ZMYM5: variants seen among roughly 807,000 people sequenced by gnomAD.
ZMYM5 encodes the protein zinc finger MYM-type protein 5.
A neutral mutation model predicts 61.8 loss-of-function variants in ZMYM5; 41 were observed. The ratio of observed to expected loss-of-function variants is 0.66; its 90% CI spans 0.52 to 0.86. ZMYM5 has a LOEUF of 0.86. Ranked by LOEUF, ZMYM5 falls within the 40% of genes least tolerant of loss-of-function variation. The probability of loss-of-function intolerance (pLI) is 0.00; values close to 1 mark genes in which losing one functional copy is unlikely to be tolerated. For missense variants in ZMYM5, 706 were observed against 786.7 expected, an observed-to-expected ratio of 0.90 and a Z score of 1.23; for synonymous variants, 257 against 276.4, an observed-to-expected ratio of 0.93 and a Z score of 0.70.
intron 2 of ZMYM5, among the ~76,000 whole-genome samples, chr13:19,854,613 ATAAGACT>A: frequency 7.3e-6 from 1 of 136,730 alleles, no homozygotes; most frequent in East Asian, 2.2e-4. Flanking sequence ...GGGCAACACA[ATAAGACT>A]TCGTCTCAAA....
At chr13:19,830,525 C>A (rs1014815954) in intron 7 of ZMYM5, among the ~76,000 whole-genome samples, 1 of 152,172 alleles carries the variant, frequency 6.6e-6, no homozygotes, top group East Asian at 1.9e-4. Flanking sequence ...CTGGTATGAA[C>A]CACCATGCCT....
chr13:19,852,942 G>C (rs1449186548), intron 2 of ZMYM5, among the ~76,000 whole-genome samples: 1 of 152,122 alleles, frequency 6.6e-6, no homozygotes, highest in East Asian at 1.9e-4. Flanking sequence ...TAAATGCCTG[G>C]GTTCAAGCAA....
chr13:19,838,469 G>A (rs1043366947), intron 5 of ZMYM5, among the ~76,000 whole-genome samples: 1 of 152,136 alleles, frequency 6.6e-6, no homozygotes, highest in Non-Finnish European at 1.5e-5. Context: ...GTAGTAGCAG[G>A]GAGAGGGGCA....
At chr13:19,860,883 G>A (rs2138671978) in intron 2 of ZMYM5, among the ~76,000 whole-genome samples, 1 of 149,170 alleles carries the variant, frequency 6.7e-6, no homozygotes, top group South Asian at 2.1e-4. Context: ...TATATCTCAG[G>A]TGGGGGGGGG....
In ZMYM5 at chr13:19,831,016, T is replaced by C. The variant is rs181052889; in HGVS notation, c.1251+4461A>G. Among the ~76,000 whole-genome samples the C allele has an allele frequency of 2.6e-4, 40 of 151,962 alleles. 1 individual carries two copies. Among genetic ancestry groups the C allele is most frequent in the African/African-American group, 9.4e-4 (39 of 41,466 alleles). ...CACCACGCCCGGCTAATTTTTTGTA[T>C]GTTTAGTAGAGACAGGGTTTCACCG... On this transcript the variant is annotated intron_variant, in intron 7 of 7. Transcript: ENST00000337963.
At chr13:19,859,981 A>G (rs7490640) in intron 2 of ZMYM5, among the ~76,000 whole-genome samples, 134,251 of 147,518 alleles carry the variant, frequency 0.91, 62,449 homozygotes, top group Non-Finnish European at 1. Flanking sequence ...GCATGTACCT[A>G]TAGTCTCAGC....
At chr13:19,835,826 A>ATT (rs753164390) in intron 6 of ZMYM5, 137 bp from the exon 7 acceptor site, 748 of 454,780 alleles carry the variant, frequency 1.6e-3, no homozygotes, top group Middle Eastern at 7.1e-3. Flanking sequence ...CAGGGAAAAG[A>ATT]TTTTTTTTTT....
Position 19,825,292 on chromosome 13 carries a change from A to G in ZMYM5, c.1252-57T>C, listed in dbSNP as rs1890857528. On this transcript the variant is annotated intron_variant, in intron 7 of 7. Transcript: ENST00000337963. ...AGGTTAAACTTTTAAAAATTAATGT[A>G]TATTCAAATGCTCAATAAGCACATG... 6.0e-6 allele frequency: 7 copies of G among 1,171,218 alleles called. No individual in the cohort carries two copies. In the South Asian group the frequency reaches 6.5e-5, roughly 11 times the overall value. The allele number at this position is 1,171,218 out of a possible 1,614,324, so 72.6% of individuals were successfully genotyped here.
At chr13:19,841,344 T>A (rs1290263745) in intron 4 of ZMYM5, among the ~76,000 whole-genome samples, 1 of 152,174 alleles carries the variant, frequency 6.6e-6, no homozygotes, top group Non-Finnish European at 1.5e-5. Flanking sequence ...AGGGGGTTTT[T>A]ATCAGTACTC....
At chr13:19,842,500 T>C (rs1046031685) in intron 4 of ZMYM5, among the ~76,000 whole-genome samples, 5 of 152,130 alleles carry the variant, frequency 3.3e-5, no homozygotes, top group Admixed American at 2.6e-4. Flanking sequence ...CCTAATTTGT[T>C]GTACTAATGC....
intron 4 of ZMYM5, among the ~76,000 whole-genome samples, 200 bp from the exon 5 acceptor site, chr13:19,839,185 CAAT>C (rs1286296870): frequency 6.6e-6 from 1 of 152,084 alleles, no homozygotes; most frequent in East Asian, 1.9e-4. Flanking sequence ...ACTGTGCCAA[CAAT>C]AATAATAAAG....
intron 4 of ZMYM5, among the ~76,000 whole-genome samples, chr13:19,849,364 T>C (rs1953199406): frequency 6.6e-6 from 1 of 152,178 alleles, no homozygotes; most frequent in African/African-American, 2.4e-5. Context: ...CCTCAAGTGA[T>C]CCTTCTTCCT....
intron 4 of ZMYM5, among the ~76,000 whole-genome samples, chr13:19,846,514 C>G (rs1469406463): frequency 6.6e-6 from 1 of 151,554 alleles, no homozygotes; most frequent in Non-Finnish European, 1.5e-5. Context: ...ACTTGGGGCA[C>G]ATGTTCTCAG....
chr13:19,863,108 C>T (rs1455128083), intron 1 of ZMYM5, among the ~76,000 whole-genome samples: 1 of 152,114 alleles, frequency 6.6e-6, no homozygotes, highest in Non-Finnish European at 1.5e-5. Context: ...CGGGGCGCCC[C>T]TCCCTCGCCC....
At position 19,825,373 on chromosome 13, in the gene ZMYM5, G is replaced by A. The variant is rs567515144; in HGVS notation, c.1252-138C>T. On this transcript the variant is annotated intron_variant, in intron 7 of 7. Transcript: ENST00000337963. ...CAAAAAGACGACGACGGTCGGGTGC[G>A]GTGGTTCATGCCTGTAATCCCAGCA... 8.6e-5 allele frequency: 71 copies of A among 826,340 alleles called. No homozygotes were observed. In the South Asian group the frequency reaches 9.4e-4, roughly 11 times the overall value. The allele number at this position is 826,340 out of a possible 1,614,324, so 51.2% of individuals were successfully genotyped here.
rs568199796 is a variant in ZMYM5, at chr13:19,842,229, G to A, written c.587-3244C>T. Reference sequence around the variant, plus strand: ...CTTCCACCAACCCACCTACCCCATGGGCTGGCCAGACCCTTTCCCGCAGGG... The same window carrying A: ...CTTCCACCAACCCACCTACCCCATGAGCTGGCCAGACCCTTTCCCGCAGGG... On this transcript the variant is annotated intron_variant, in intron 4 of 7. Transcript: ENST00000337963. 2.6e-5 allele frequency among the ~76,000 whole-genome samples: 4 copies of A among 152,192 alleles called. No homozygotes were observed. In the South Asian group the frequency reaches 8.3e-4, roughly 32 times the overall value.
intron 2 of ZMYM5, among the ~76,000 whole-genome samples, chr13:19,853,735 T>C (rs1018698136): frequency 6.6e-6 from 1 of 151,692 alleles, no homozygotes; most frequent in African/African-American, 2.4e-5. Context: ...CTGAGTAGCA[T>C]GCCTGGCTAC....
chr13:19,849,837 T>C (rs1021862488), intron 4 of ZMYM5, among the ~76,000 whole-genome samples: 1 of 151,910 alleles, frequency 6.6e-6, no homozygotes, highest in South Asian at 2.1e-4. Context: ...AAAAATTAGC[T>C]AGGCGTGATG....
intron 7 of ZMYM5, among the ~76,000 whole-genome samples, chr13:19,832,570 GC>G (rs1012612393): frequency 3.0e-4 from 46 of 151,982 alleles, no homozygotes; most frequent in African/African-American, 1.1e-3. Flanking sequence ...CAAGTGATCC[GC>G]CCGCCTTGGC....
Sources: allele counts gnomAD v4.1 joint callset (sites outside exome capture counted in the v4.1 genomes callset), GRCh38; gene constraint gnomAD v4.1.1; transcripts MANE v1.5; gene names NCBI Gene and HGNC (gene_info 2026-07-23, HGNC 2026-07-21).